The following STAG1 variants were observed in gnomAD, a reference collection of about 807,000 sequenced individuals.
The protein encoded by STAG1 is cohesin subunit SA-1.
STAG1 carries 26 observed loss-of-function variants against 170.9 expected under a neutral mutation model. That is an observed-to-expected ratio of 0.15 (90% CI 0.11 to 0.21). The LOEUF (loss-of-function observed/expected upper bound fraction) is 0.21. STAG1 is among the 10% of genes least tolerant of loss of function. The pLI, the probability that STAG1 is intolerant of heterozygous loss-of-function variation, is 1.00. For missense variants in STAG1, 964 were observed against 1,509.5 expected (o/e 0.64, Z 5.99); for synonymous variants, 514 against 497.7 (o/e 1.03, Z -0.44).
intron 6 of STAG1, among the ~76,000 whole-genome samples, chr3:136,526,996 C>A (rs1168811549): frequency 6.6e-6 from 1 of 152,130 alleles, no homozygotes; most frequent in Non-Finnish European, 1.5e-5. Context: ...TTGTGGGTAA[C>A]CCGACCTTTC....
chr3:136,469,206 T>G (rs1348480651), intron 12 of STAG1, among the ~76,000 whole-genome samples: 1 of 151,904 alleles, frequency 6.6e-6, no homozygotes, highest in Non-Finnish European at 1.5e-5. Context: ...TGTCCCTGTT[T>G]GCAGACAGGA....
rs1047590024 is a variant in STAG1, at chr3:136,411,153, G to A, written c.2196+6732C>T. On this transcript the variant is annotated intron_variant, in intron 21 of 33. Transcript: ENST00000383202. ...ATGATTATACTTCATTTTTATGGGT[G>A]TAGTCGCACAATTTTGTTCTATGGC... Among the ~76,000 whole-genome samples the A allele has an allele frequency of 1.1e-4, 17 of 152,280 alleles. 1 individual carries two copies. Among genetic ancestry groups the A allele is most frequent in the Admixed American group, 9.2e-4 (14 of 15,282 alleles).
chr3:136,733,534 A>G (rs556011915), intron 1 of STAG1, among the ~76,000 whole-genome samples: 16 of 152,332 alleles, frequency 1.1e-4, no homozygotes, highest in African/African-American at 2.6e-4. Context: ...GAAAGGTTAA[A>G]GAAGTTGCCC....
At chr3:136,736,815 G>A in intron 1 of STAG1, 2 of 1,584,190 alleles carry the variant, frequency 1.3e-6, no homozygotes, top group Non-Finnish European at 1.7e-6. Context: ...ACAATTGTAG[G>A]TTTTCCTTCC....
chr3:136,459,596 T>C (rs979037936), intron 13 of STAG1, among the ~76,000 whole-genome samples: 3 of 152,172 alleles, frequency 2.0e-5, no homozygotes, highest in African/African-American at 7.2e-5. Context: ...AATGAAATAT[T>C]CTCCAGGACA....
At chr3:136,657,096 T>C (rs943233510) in intron 1 of STAG1, among the ~76,000 whole-genome samples, 4 of 151,722 alleles carry the variant, frequency 2.6e-5, no homozygotes, top group Non-Finnish European at 1.5e-5. Context: ...TGAGAAGAAT[T>C]GCTTATGATA....
At chr3:136,512,519 A>G (rs887027299) in intron 7 of STAG1, among the ~76,000 whole-genome samples, 15 of 152,196 alleles carry the variant, frequency 9.9e-5, no homozygotes, top group Non-Finnish European at 1.9e-4. Flanking sequence ...AAGTCCAGAC[A>G]TTTATCTTCT....
intron 22 of STAG1, among the ~76,000 whole-genome samples, chr3:136,398,028 C>T (rs556789126): frequency 6.6e-6 from 1 of 152,130 alleles, no homozygotes; most frequent in East Asian, 1.9e-4. Flanking sequence ...CTCACTGCAA[C>T]CTCTGCCTCC....
chr3:136,530,732 A>G (rs1935326878), intron 6 of STAG1, among the ~76,000 whole-genome samples: 1 of 152,198 alleles, frequency 6.6e-6, no homozygotes, highest in Non-Finnish European at 1.5e-5. Context: ...TGGAAACACA[A>G]CATACCAAAA....
At chr3:136,578,379 G>A (rs1472447413) in intron 4 of STAG1, among the ~76,000 whole-genome samples, 2 of 152,148 alleles carry the variant, frequency 1.3e-5, no homozygotes, top group Non-Finnish European at 2.9e-5. Flanking sequence ...ATATAGGTGG[G>A]CAGCCCACAA....
At chr3:136,609,768 TG>T (rs1311409128) in intron 3 of STAG1, among the ~76,000 whole-genome samples, 4 of 152,186 alleles carry the variant, frequency 2.6e-5, no homozygotes, top group Non-Finnish European at 5.9e-5. Context: ...AAATGCTTTT[TG>T]TTTTTAAGAG....
At chr3:136,477,173 T>G in intron 10 of STAG1, 116 bp downstream of exon 10, 1 of 1,183,738 alleles carries the variant, frequency 8.4e-7, no homozygotes, top group South Asian at 1.9e-5. Context: ...TGCATCATCT[T>G]AAAATTTCCA....
chr3:136,542,167 A>G lies in STAG1; in HGVS notation c.423T>C (p.Asn141=), dbSNP rs1935942052. 2.5e-6 allele frequency: 4 copies of G among 1,609,652 alleles called. No homozygotes were observed. Among genetic ancestry groups the G allele is most frequent in the Non-Finnish European group, 3.4e-6 (4 of 1,179,358 alleles). ...TTCTGATGATTTCTGCATTCTGCATATTTCGAAACATCTCTATTCTCACAG... is the reference window on the plus strand; with the variant it reads ...TTCTGATGATTTCTGCATTCTGCATGTTTCGAAACATCTCTATTCTCACAG... ...RGTVRIEMFR[N]MQNAEIIRKM... The change falls in exon 6 of 34, where the codon AAT becomes AAC. Residue 141 remains asparagine, a synonymous_variant. Transcript: ENST00000383202.
chr3:136,373,118 T>C (rs187139923), intron 23 of STAG1, among the ~76,000 whole-genome samples: 190 of 152,350 alleles, frequency 1.2e-3, no homozygotes, highest in Admixed American at 5.8e-3. Flanking sequence ...TCTTCTAGAT[T>C]TTCTAGTTTA....
chr3:136,507,938 T>C (rs564347801), intron 7 of STAG1, among the ~76,000 whole-genome samples: 1 of 152,232 alleles, frequency 6.6e-6, no homozygotes, highest in African/African-American at 2.4e-5. Context: ...GAAAAAAAGA[T>C]GACAACTGGA....
At chr3:136,477,897 C>A (rs535038707) in intron 9 of STAG1, among the ~76,000 whole-genome samples, 3 of 152,116 alleles carry the variant, frequency 2.0e-5, no homozygotes, top group Non-Finnish European at 2.9e-5. Flanking sequence ...TCAAGTGATT[C>A]TCCTGCCTCA....
At chr3:136,605,875 T>C (rs1477164465) in intron 3 of STAG1, among the ~76,000 whole-genome samples, 1 of 152,206 alleles carries the variant, frequency 6.6e-6, no homozygotes, top group Non-Finnish European at 1.5e-5. Flanking sequence ...GGGGCTTCTT[T>C]TCCTTATTAT....
chr3:136,358,031 CTG>C (rs1457404730), intron 27 of STAG1, among the ~76,000 whole-genome samples, 183 bp from the exon 28 acceptor site: 1 of 150,550 alleles, frequency 6.6e-6, no homozygotes, highest in Non-Finnish European at 1.5e-5. Flanking sequence ...TAGTATGAAA[CTG>C]TAAGTTGGGG....
intron 22 of STAG1, among the ~76,000 whole-genome samples, chr3:136,381,182 G>A (rs746444994): frequency 3.4e-4 from 52 of 152,162 alleles, no homozygotes; most frequent in Middle Eastern, 3.4e-3. Context: ...AGAGAAAGAA[G>A]TAAACAAGGA....
Sources: gnomAD v4.1 joint callset for allele counts (sites outside exome capture counted in the v4.1 genomes callset) on GRCh38, gnomAD v4.1.1 for gene constraint, MANE v1.5 for transcripts, NCBI Gene and HGNC (gene_info 2026-07-23, HGNC 2026-07-21) for gene names.